Variants in SPTLC3 observed in about 807,000 individuals in gnomAD.
SPTLC3 encodes serine palmitoyltransferase 3.
SPTLC3 carries 36 observed loss-of-function variants against 59.3 expected under a neutral mutation model. The ratio of observed to expected loss-of-function variants is 0.61; its 90% CI spans 0.47 to 0.80. SPTLC3 has a LOEUF of 0.80. SPTLC3 is among the 30% of genes least tolerant of loss of function. SPTLC3 has a pLI of 0.00. For missense variants in SPTLC3, 625 were observed against 685.1 expected, an observed-to-expected ratio of 0.91 and a Z score of 0.98; for synonymous variants, 257 against 240.8, an observed-to-expected ratio of 1.07 and a Z score of -0.62.
At chr20:13,076,638 A>AAC (rs1568590527) in intron 4 of SPTLC3, among the ~76,000 whole-genome samples, 9 of 151,944 alleles carry the variant, frequency 5.9e-5, no homozygotes, top group African/African-American at 1.9e-4. Context: ...AATGTACCTA[A>AAC]AACAGATTTG....
At chr20:13,121,721 C>T (rs2037871532) in intron 8 of SPTLC3, among the ~76,000 whole-genome samples, 2 of 152,136 alleles carry the variant, frequency 1.3e-5, no homozygotes, top group African/African-American at 4.8e-5. Flanking sequence ...CCCTGACACT[C>T]TCCAGAAGTT....
intron 9 of SPTLC3, among the ~76,000 whole-genome samples, chr20:13,134,548 C>T (rs2122845349): frequency 6.6e-6 from 1 of 152,236 alleles, no homozygotes; most frequent in Admixed American, 6.5e-5. Flanking sequence ...GGTCCCTGGA[C>T]CACCAGCAGC....
At chr20:13,059,615 T>G (rs1427655420) in intron 2 of SPTLC3, among the ~76,000 whole-genome samples, 1 of 152,178 alleles carries the variant, frequency 6.6e-6, no homozygotes, top group Non-Finnish European at 1.5e-5. Flanking sequence ...CGGTTACAGA[T>G]CAACAGCTGA....
At chr20:13,067,725 G>A (rs1343025171) in intron 2 of SPTLC3, among the ~76,000 whole-genome samples, 1 of 152,076 alleles carries the variant, frequency 6.6e-6, no homozygotes, top group Non-Finnish European at 1.5e-5. Flanking sequence ...AAGAACTACT[G>A]TAAATACAGT....
At chr20:13,052,652 T>C (rs1416977766) in intron 2 of SPTLC3, among the ~76,000 whole-genome samples, 1 of 152,192 alleles carries the variant, frequency 6.6e-6, no homozygotes, top group East Asian at 1.9e-4. Context: ...CTTGAAATTC[T>C]TGCTGCCAGC....
chr20:13,133,023 T>C (rs2038160330), intron 9 of SPTLC3: 1 of 152,618 alleles, frequency 6.6e-6, no homozygotes. Context: ...CTCTGCCAGA[T>C]TAAACTTGAT....
intron 4 of SPTLC3, among the ~76,000 whole-genome samples, chr20:13,076,179 A>T (rs887668272): frequency 5.3e-5 from 8 of 152,216 alleles, no homozygotes; most frequent in African/African-American, 1.9e-4. Flanking sequence ...AAATAGAATG[A>T]CTGAAACATG....
intron 7 of SPTLC3, among the ~76,000 whole-genome samples, chr20:13,113,278 C>T (rs757578504): frequency 3.9e-5 from 6 of 152,104 alleles, no homozygotes; most frequent in Non-Finnish European, 8.8e-5. Context: ...TCCTACTTTT[C>T]GGAGGTATAT....
At chr20:13,141,488 T>C (rs2038382838) in intron 9 of SPTLC3, among the ~76,000 whole-genome samples, 1 of 152,172 alleles carries the variant, frequency 6.6e-6, no homozygotes, top group African/African-American at 2.4e-5. Flanking sequence ...TCCTACAGCC[T>C]TTTTTCTCTC....
intron 1 of SPTLC3, among the ~76,000 whole-genome samples, chr20:13,011,792 A>G (rs1005173378): frequency 1.3e-5 from 2 of 150,908 alleles, no homozygotes; most frequent in East Asian, 1.9e-4. Context: ...ACTGGTTTTC[A>G]TCACTGACTA....
At chr20:13,066,848 G>A (rs1988231687) in intron 2 of SPTLC3, among the ~76,000 whole-genome samples, 1 of 150,704 alleles carries the variant, frequency 6.6e-6, no homozygotes, top group East Asian at 2.0e-4. Flanking sequence ...TTGTTCTTCT[G>A]AATCTGCCCT....
At chr20:13,161,437 C>T (rs1041070429) in intron 11 of SPTLC3, among the ~76,000 whole-genome samples, 11 of 152,130 alleles carry the variant, frequency 7.2e-5, no homozygotes, top group Admixed American at 6.5e-5. Flanking sequence ...TTACAGCCAA[C>T]AGTAGAAGAT....
chr20:13,035,908 G>C (rs1443088699), intron 1 of SPTLC3, among the ~76,000 whole-genome samples: 1 of 152,150 alleles, frequency 6.6e-6, no homozygotes, highest in Admixed American at 6.5e-5. Context: ...AAATTAAGTT[G>C]TATTATATGC....
rs2122417782 is a variant in SPTLC3, at chr20:13,028,015, A to T, written c.117+18631A>T. 2.0e-5 allele frequency among the ~76,000 whole-genome samples: 3 copies of T among 152,330 alleles called. No individual in the cohort carries two copies. The Middle Eastern group carries it at 0.01, about 518-fold the overall frequency. ...ATTACGAATGGTTAATTCTAGACCC[A>T]GCAAGGGCACACGAGTCAATTCACG... On this transcript the variant is annotated intron_variant, in intron 1 of 11. Coordinates refer to ENST00000399002, the MANE Select transcript of SPTLC3 (RefSeq NM_018327.4).
chr20:13,146,441 A>T (rs2038512381), intron 9 of SPTLC3, among the ~76,000 whole-genome samples: 1 of 152,234 alleles, frequency 6.6e-6, no homozygotes, highest in Non-Finnish European at 1.5e-5. Context: ...ATTAAAAAAA[A>T]GAATCACTGA....
At chr20:13,143,559 C>T (rs888143050) in intron 9 of SPTLC3, among the ~76,000 whole-genome samples, 6 of 152,174 alleles carry the variant, frequency 3.9e-5, no homozygotes, top group Non-Finnish European at 8.8e-5. Context: ...TGGCTTCATA[C>T]TGTTTGAGTG....
In SPTLC3 at chr20:13,029,371, T is replaced by C. The variant is rs74799366; in HGVS notation, c.118-19574T>C. On this transcript the variant is annotated intron_variant, in intron 1 of 11. Coordinates refer to ENST00000399002, the MANE Select transcript of SPTLC3 (RefSeq NM_018327.4). The stretch of plus-strand genomic sequence containing the variant: ...AATCTTAATATTCCAGTCAGATAAC[T>C]CATGCTTTTCACCTATTCACTTCTT... Among the ~76,000 whole-genome samples the C allele has an allele frequency of 6.7e-3, 1,026 of 152,332 alleles. 4 individuals are homozygous for C. Among genetic ancestry groups the C allele is most frequent in the Non-Finnish European group, 0.011 (730 of 68,028 alleles).
In SPTLC3 at chr20:13,168,855, T is replaced by A. The variant is rs1460512859; in HGVS notation, c.*3988T>A. The A allele has an allele frequency of 6.6e-6, 1 of 152,152 alleles. No homozygotes were observed. The highest frequency in any genetic ancestry group is 2.4e-5 in the African/African-American group (1 of 41,428). The allele number at this position is 152,152 out of a possible 1,614,324, so 9.4% of individuals were successfully genotyped here. ...CTTTAGAATGCCCTACTCAGCTGCA[T>A]AATGTTTAGAAAATTAAAGAGTCTG... On this transcript the variant is annotated 3_prime_UTR_variant, in exon 12 of 12. Transcript: ENST00000399002.
intron 1 of SPTLC3, among the ~76,000 whole-genome samples, chr20:13,035,253 A>G (rs762180341): frequency 2.6e-5 from 4 of 152,156 alleles, no homozygotes; most frequent in African/African-American, 4.8e-5. Context: ...AATAATGACA[A>G]TAACAAAATA....
Sources: allele counts gnomAD v4.1 joint callset (sites outside exome capture counted in the v4.1 genomes callset), GRCh38; gene constraint gnomAD v4.1.1; transcripts MANE v1.5; gene names NCBI Gene and HGNC (gene_info 2026-07-23, HGNC 2026-07-21).